GCNT2: variants seen among roughly 807,000 people sequenced by gnomAD.
GCNT2 encodes the protein N-acetyllactosaminide beta-1,6-N-acetylglucosaminyl-transferase.
In GCNT2, 34 loss-of-function variants were observed where a neutral mutation model predicts 34.2. The observed-to-expected ratio is 1.00, with a 90% CI of 0.76 to 1.32. The LOEUF is 1.32. Ranked by LOEUF, GCNT2 falls within the 40% of genes most tolerant of loss-of-function variation. The pLI is 0.00. For missense variants in GCNT2, 584 were observed against 489.4 expected, an observed-to-expected ratio of 1.19 and a Z score of -1.82; for synonymous variants, 212 against 188.0, an observed-to-expected ratio of 1.13 and a Z score of -1.04.
At chr6:10,593,823 A>C (rs1456782926) in intron 3 of GCNT2, among the ~76,000 whole-genome samples, 2 of 152,168 alleles carry the variant, frequency 1.3e-5, no homozygotes, top group Non-Finnish European at 2.9e-5. Context: ...ATTTCTCTTT[A>C]CACAATACAA....
At chr6:10,597,285 A>G (rs1764899492) in intron 3 of GCNT2, among the ~76,000 whole-genome samples, 1 of 150,444 alleles carries the variant, frequency 6.6e-6, no homozygotes, top group Non-Finnish European at 1.5e-5. Flanking sequence ...CCTTCCGAGT[A>G]GCTGGGACTA....
At chr6:10,558,825 A>G (rs547068265) in intron 3 of GCNT2, among the ~76,000 whole-genome samples, 3 of 152,290 alleles carry the variant, frequency 2.0e-5, no homozygotes, top group East Asian at 1.9e-4. Context: ...TGCTGCGCAC[A>G]CTGTTTCCGC....
At chr6:10,589,068 AGT>A (rs781339133) in intron 3 of GCNT2, among the ~76,000 whole-genome samples, 5 of 74,184 alleles carry the variant, frequency 6.7e-5, no homozygotes, top group African/African-American at 1.7e-4. Context: ...GTGTGTGTGT[AGT>A]GTGTGGCGTG....
chr6:10,586,093 A>G, intron 3 of GCNT2: 1 of 1,614,186 alleles, frequency 6.2e-7, no homozygotes, highest in Non-Finnish European at 8.5e-7. Context: ...AGTTATGAGA[A>G]GCTGAACAGT....
intron 3 of GCNT2, among the ~76,000 whole-genome samples, chr6:10,569,274 C>A (rs1055671606): frequency 3.9e-4 from 53 of 137,200 alleles, no homozygotes; most frequent in Non-Finnish European, 6.8e-4. Context: ...CACACACACA[C>A]CCCCTAGGTA....
At position 10,613,759 on chromosome 6, in the gene GCNT2, G is replaced by A. The variant is rs537641254; in HGVS notation, c.926-7592G>A. Among the ~76,000 whole-genome samples the A allele has an allele frequency of 5.3e-5, 8 of 152,280 alleles. No individual in the cohort carries two copies. In the South Asian group the frequency reaches 1.4e-3, roughly 28 times the overall value. On this transcript the variant is annotated intron_variant, in intron 3 of 4. Coordinates refer to ENST00000495262, the MANE Select transcript of GCNT2 (RefSeq NM_145649.5). ...ATGGTATACAGTGTTTTTTCTGTGG[G>A]TTGCAGTCTAAAAGGTTGAAAAGCC...
At chr6:10,618,307 G>C (rs1307275332) in intron 3 of GCNT2, among the ~76,000 whole-genome samples, 1 of 152,208 alleles carries the variant, frequency 6.6e-6, no homozygotes, top group Admixed American at 6.5e-5. Context: ...CAAACAGAAA[G>C]TATTGAAGTT....
At chr6:10,612,385 A>G (rs543960793) in intron 3 of GCNT2, among the ~76,000 whole-genome samples, 3 of 152,260 alleles carry the variant, frequency 2.0e-5, no homozygotes, top group Admixed American at 1.3e-4. Flanking sequence ...TTGGTCTGTC[A>G]CATCTGTGGT....
intron 3 of GCNT2, among the ~76,000 whole-genome samples, chr6:10,543,048 C>G (rs566264584): frequency 4.9e-4 from 74 of 151,938 alleles, no homozygotes; most frequent in Admixed American, 3.9e-3. Flanking sequence ...GCTGGGATTA[C>G]AGGCATGCGC....
intron 3 of GCNT2, among the ~76,000 whole-genome samples, chr6:10,620,661 A>AT (rs1581494094): frequency 6.6e-6 from 1 of 152,132 alleles, no homozygotes; most frequent in East Asian, 1.9e-4. Context: ...GATTACAGGC[A>AT]TGAACCACTA....
intron 3 of GCNT2, among the ~76,000 whole-genome samples, chr6:10,593,931 C>A (rs1764747255): frequency 6.6e-6 from 1 of 152,212 alleles, no homozygotes; most frequent in Non-Finnish European, 1.5e-5. Flanking sequence ...CCAATACTTG[C>A]CAACTGTGTG....
chr6:10,556,482 T>A, intron 3 of GCNT2: 1 of 1,614,178 alleles, frequency 6.2e-7, no homozygotes, highest in Non-Finnish European at 8.5e-7. Context: ...ATTATTTTTA[T>A]CGTCTTCTCT....
At chr6:10,596,751 A>G (rs189049265) in intron 3 of GCNT2, among the ~76,000 whole-genome samples, 4 of 152,062 alleles carry the variant, frequency 2.6e-5, no homozygotes, top group African/African-American at 9.6e-5. Context: ...AAAAAAGACA[A>G]TGAGTCCAAA....
intron 3 of GCNT2, chr6:10,556,895 G>C (rs960251969): frequency 6.2e-7 from 1 of 1,614,136 alleles, no homozygotes; most frequent in Non-Finnish European, 8.5e-7. Context: ...GGAACCCGTT[G>C]TCTATGGAGG....
chr6:10,621,283 A>G (rs566514239), intron 3 of GCNT2, 68 bp from the exon 4 acceptor site: 1 of 976,496 alleles, frequency 1.0e-6, no homozygotes, highest in Non-Finnish European at 1.6e-6. Context: ...TTAGAGGCTT[A>G]ATTGATGAAA....
Position 10,628,268 on chromosome 6 carries a change from A to G in GCNT2, c.*1661A>G, listed in dbSNP as rs1054631575. On this transcript the variant is annotated 3_prime_UTR_variant, in exon 5 of 5. Transcript: ENST00000495262. The stretch of plus-strand genomic sequence containing the variant: ...TGTAATACTAAACCGTTGAGTTTCT[A>G]AATATTTATTTATTCTAACAAAAAG... 1 of 152,646 alleles carries G rather than the reference A, an allele frequency of 6.6e-6. No homozygotes were observed. Among genetic ancestry groups the G allele is most frequent in the Admixed American group, 6.5e-5 (1 of 15,284 alleles). 9.5% of individuals were successfully genotyped at this position (152,646 alleles called of 1,614,324 possible).
intron 3 of GCNT2, among the ~76,000 whole-genome samples, chr6:10,585,412 G>A (rs750609237): frequency 6.6e-6 from 1 of 152,130 alleles, no homozygotes; most frequent in Non-Finnish European, 1.5e-5. Flanking sequence ...AATGAAAAGA[G>A]GTGGCAGAGA....
intron 3 of GCNT2, among the ~76,000 whole-genome samples, chr6:10,545,801 C>A (rs1414071509): frequency 2.0e-5 from 3 of 152,054 alleles, no homozygotes; most frequent in Admixed American, 6.6e-5. Flanking sequence ...TTTCAGCTCC[C>A]AGGCAATACA....
rs1279193313 is a variant in GCNT2, at chr6:10,529,530, C to A, written c.619C>A (p.Leu207Met). The change falls in exon 3 of 5, where the codon CTG becomes ATG. Residue 207 changes from leucine to methionine, a missense_variant. Leu to Met is a conservative substitution (Grantham distance 15, BLOSUM62 2). Coordinates refer to ENST00000495262, the MANE Select transcript of GCNT2 (RefSeq NM_145649.5). The stretch of plus-strand genomic sequence containing the variant: ...AACCAACAGGGAAATAGTTCAGTAT[C>A]TGAAGGGATTTAAAGGGAAAAATAT... ...LKTNREIVQY[L>M]KGFKGKNITP... 4 of 1,614,138 alleles carry A rather than the reference C, an allele frequency of 2.5e-6. No homozygotes were observed. The South Asian group carries it at 4.4e-5, about 18-fold the overall frequency.
Sources: allele counts gnomAD v4.1 joint callset (sites outside exome capture counted in the v4.1 genomes callset), GRCh38; gene constraint gnomAD v4.1.1; transcripts MANE v1.5; gene names NCBI Gene and HGNC (gene_info 2026-07-23, HGNC 2026-07-21).